AKAP1: variants seen among roughly 807,000 people sequenced by gnomAD.
AKAP1 encodes the protein A-kinase anchor protein 1, mitochondrial.
A neutral mutation model predicts 79.8 loss-of-function variants in AKAP1; 32 were observed. The observed-to-expected ratio is 0.40, with a 90% CI of 0.30 to 0.54. The LOEUF is 0.54. Among genes scored for constraint, AKAP1 ranks in the 20% least tolerant of loss-of-function variants. The probability of loss-of-function intolerance (pLI) is 0.47; values close to 1 mark genes in which losing one functional copy is unlikely to be tolerated. For missense variants in AKAP1, 961 were observed against 1,138.9 expected (o/e 0.84, Z 2.25); for synonymous variants, 416 against 466.7 (o/e 0.89, Z 1.40).
intron 1 of AKAP1, among the ~76,000 whole-genome samples, chr17:57,089,498 T>C (rs977606286): frequency 1.3e-5 from 2 of 152,320 alleles, no homozygotes; most frequent in Admixed American, 1.3e-4. Context: ...ATTAGCCACA[T>C]TTCAGGTTCT....
chr17:57,106,115 A>G lies in AKAP1; in HGVS notation c.651A>G (p.Glu217=), dbSNP rs1389328314. The G allele has an allele frequency of 6.2e-7, 1 of 1,606,010 alleles. No homozygotes were observed. Among genetic ancestry groups the G allele is most frequent in the Admixed American group, 1.7e-5 (1 of 59,386 alleles). The change falls in exon 2 of 11, where the codon GAA becomes GAG. Residue 217 remains glutamate (E), a synonymous_variant. Transcript: ENST00000337714. The stretch of plus-strand genomic sequence containing the variant: ...TGTTGGGGGAAAAGGTGCTTGAAGA[A>G]GCTCTGTTGTCTCGGGAGCATGTCT... The part of the protein sequence containing the change: ...DAVLGEKVLE[E]ALLSREHVLE...
intron 5 of AKAP1, among the ~76,000 whole-genome samples, chr17:57,113,828 C>T (rs1210767624): frequency 1.3e-5 from 2 of 152,024 alleles, no homozygotes; most frequent in East Asian, 1.9e-4. Context: ...GTCTTGAACT[C>T]CTGACCTCAG....
At chr17:57,108,153 C>A in intron 2 of AKAP1, 1 of 555,458 alleles carries the variant, frequency 1.8e-6, no homozygotes, top group Non-Finnish European at 2.5e-6. Flanking sequence ...CTTGTTTGTC[C>A]TGGAGCCATT....
chr17:57,104,482 G>A (rs1433013269), intron 1 of AKAP1, among the ~76,000 whole-genome samples: 1 of 152,184 alleles, frequency 6.6e-6, no homozygotes, highest in Non-Finnish European at 1.5e-5. Context: ...GCTGAAAATA[G>A]CATAAATCGA....
intron 1 of AKAP1, chr17:57,092,026 C>T (rs879931346): frequency 2.0e-5 from 3 of 152,174 alleles, no homozygotes; most frequent in Non-Finnish European, 4.4e-5. Flanking sequence ...GTTGCCCAGC[C>T]TAAAGGCTGG....
At position 57,111,800 on chromosome 17, in the gene AKAP1, C is replaced by CT. The variant is rs1439589770; in HGVS notation, c.1853dup (p.Leu618PhefsTer89). ...ATCTCTTTTTGTCTTTCTGGAAGCA[C>CT]TTAGTCGGTCGGCTAATTGGCAAGC... On this transcript the variant is annotated frameshift_variant, in exon 4 of 11. Transcript: ENST00000337714. LOFTEE classifies it high-confidence loss of function. 6.2e-7 allele frequency: 1 copy of CT among 1,614,046 alleles called. No individual in the cohort carries two copies.
At chr17:57,110,291 GCC>G in intron 3 of AKAP1, 133 bp downstream of exon 3, 1 of 1,283,162 alleles carries the variant, frequency 7.8e-7, no homozygotes, top group Non-Finnish European at 1.1e-6. Flanking sequence ...TCAGCCAAAG[GCC>G]GCAGGGAAAG....
intron 1 of AKAP1, among the ~76,000 whole-genome samples, chr17:57,102,878 AG>A (rs56851287): frequency 0.022 from 3,355 of 152,190 alleles, 118 homozygotes; most frequent in African/African-American, 0.076. Flanking sequence ...TGAGGTCTCG[AG>A]TTCCAGTCTA....
At chr17:57,107,587 C>T (rs1341249417) in intron 2 of AKAP1, among the ~76,000 whole-genome samples, 1 of 152,172 alleles carries the variant, frequency 6.6e-6, no homozygotes, top group Non-Finnish European at 1.5e-5. Flanking sequence ...TCCTTCCGCC[C>T]TCGGCCTCCC....
At position 57,110,129 on chromosome 17, in the gene AKAP1, C is replaced by G; in HGVS notation, c.1819C>G (p.Leu607Val). 1 of 1,614,070 alleles carries G rather than the reference C, an allele frequency of 6.2e-7. No homozygotes were observed. The highest frequency in any genetic ancestry group is 8.5e-7 in the Non-Finnish European group (1 of 1,179,994). Residue 607 changes from leucine (L) to valine (V), a missense_variant, in exon 3 of 11, where the codon CTC (leucine) becomes GTC (valine). By Grantham distance (32) the Leu-to-Val change is conservative. Around this residue, in one of 3 missense-constraint regions of AKAP1, gnomAD observed 629 missense variants for 781.1 expected, o/e 0.81. Transcript: ENST00000337714. ...AGGCTCCAACCCTAAGAAGGTCGAC[C>G]TCATCATCTGGGAGATCGAGGTGCC... ...QAGSNPKKVD[L>V]IIWEIEVPKH...
chr17:57,106,897 C>T lies in AKAP1; in HGVS notation c.1433C>T (p.Ala478Val), dbSNP rs770765237. 1.9e-6 allele frequency: 3 copies of T among 1,613,876 alleles called. No homozygotes were observed. The highest frequency in any genetic ancestry group is 3.3e-5 in the Admixed American group (2 of 60,026). Residue 478 changes from alanine (A) to valine (V), a missense_variant, in exon 2 of 11, where the codon GCA becomes GTA. Physicochemically the swap from Ala to Val is moderately conservative, Grantham distance 64. Coordinates refer to ENST00000337714, the MANE Select transcript of AKAP1 (RefSeq NM_003488.4). ...CCCAGTGAAGAGTTGCCGGACCGGG[C>T]AGGCATCCTGGTGGAAGATGCCACC... ...TTPSEELPDR[A>V]GILVEDATCV...
Position 57,086,446 on chromosome 17 carries a change from G to A in AKAP1, c.-25+1048G>A, listed in dbSNP as rs1434747407. The A allele has an allele frequency of 2.2e-6, 1 of 456,390 alleles. No individual in the cohort carries two copies. The highest frequency in any genetic ancestry group is 2.0e-5 in the African/African-American group (1 of 50,184). 28.3% of individuals were successfully genotyped at this position (456,390 alleles called of 1,614,324 possible). The stretch of plus-strand genomic sequence containing the variant: ...CGACTCGGAACGGCATGGGAGCCCT[G>A]GGCGTTTCGGGATCTTCCTCTCCTG... On this transcript the variant is annotated intron_variant, in intron 1 of 10. Coordinates refer to ENST00000337714, the MANE Select transcript of AKAP1 (RefSeq NM_003488.4). The surrounding 1 kb of genome is among the most constrained non-coding windows in gnomAD (Gnocchi z 5.1).
At chr17:57,104,171 G>A (rs2144705040) in intron 1 of AKAP1, among the ~76,000 whole-genome samples, 1 of 152,230 alleles carries the variant, frequency 6.6e-6, no homozygotes, top group South Asian at 2.1e-4. Flanking sequence ...TGTTGCCCAG[G>A]CTAGTCTCAA....
intron 2 of AKAP1, among the ~76,000 whole-genome samples, 165 bp from the exon 3 acceptor site, chr17:57,109,860 G>A (rs1915126642): frequency 6.6e-6 from 1 of 152,210 alleles, no homozygotes; most frequent in South Asian, 2.1e-4. Context: ...CTTTCATTGG[G>A]GTTGTTCTGA....
chr17:57,118,522 T>C, intron 9 of AKAP1, 68 bp downstream of exon 9: 1 of 1,515,812 alleles, frequency 6.6e-7, no homozygotes, highest in Non-Finnish European at 9.2e-7. Context: ...TTCAATGCCT[T>C]CTTTCCTGTG....
At chr17:57,118,272 C>A in intron 8 of AKAP1, 109 bp from the exon 9 acceptor site, 1 of 1,027,540 alleles carries the variant, frequency 9.7e-7, no homozygotes, top group Non-Finnish European at 1.5e-6. Flanking sequence ...TCTCAAGTTC[C>A]ACAGCATCTG....
At chr17:57,116,387 G>C in intron 7 of AKAP1, 126 bp downstream of exon 7, 4 of 1,257,712 alleles carry the variant, frequency 3.2e-6, no homozygotes, top group Non-Finnish European at 4.5e-6. Flanking sequence ...TGCCTACTGT[G>C]TTTTAGCAGA....
At position 57,086,103 on chromosome 17, in the gene AKAP1, A is replaced by C; in HGVS notation, c.-25+705A>C. On this transcript the variant is annotated intron_variant, in intron 1 of 10. Transcript: ENST00000337714. This position sits in a 1 kb window ranked among gnomAD's most constrained non-coding sequence, Gnocchi z 5.1. ...GGAGGCTCAGGGGCGTCTCGGGGGG[A>C]ATTTGCATTCGTAGCCCCTGCAGGC... 1 of 235,628 alleles carries C rather than the reference A, an allele frequency of 4.2e-6. No homozygotes were observed. Among genetic ancestry groups the C allele is most frequent in the Non-Finnish European group, 8.6e-6 (1 of 115,784 alleles). The allele number at this position is 235,628 out of a possible 1,614,324, so 14.6% of individuals were successfully genotyped here.
chr17:57,118,162 C>T (rs572180240), intron 8 of AKAP1, among the ~76,000 whole-genome samples: 3 of 152,172 alleles, frequency 2.0e-5, no homozygotes, highest in African/African-American at 7.2e-5. Flanking sequence ...CTGTGCTGCA[C>T]CAGTGGGCAA....
Sources: allele counts gnomAD v4.1 joint callset (sites outside exome capture counted in the v4.1 genomes callset), GRCh38; gene constraint gnomAD v4.1.1; regional missense constraint gnomAD v4.1.1; non-coding constraint Gnocchi (gnomAD v3.1); transcripts MANE v1.5; gene names NCBI Gene and HGNC (gene_info 2026-07-23, HGNC 2026-07-21).